The following UAP1L1 variants were observed in gnomAD, a reference collection of about 807,000 sequenced individuals.
UAP1L1 encodes the protein UDP-N-acetylhexosamine pyrophosphorylase-like protein 1.
Under a neutral mutation model 45.3 loss-of-function variants are expected in UAP1L1, and 45 were observed. That is an observed-to-expected ratio of 0.99 (90% CI 0.78 to 1.27). The LOEUF is 1.27. Ranked by LOEUF, UAP1L1 falls within the 50% of genes most tolerant of loss-of-function variation. UAP1L1 has a pLI of 0.00. For missense variants in UAP1L1, 667 were observed against 694.0 expected (o/e 0.96, Z 0.44); for synonymous variants, 323 against 303.9 (o/e 1.06, Z -0.65).
intron 6 of UAP1L1, chr9:137,080,484 T>C: frequency 1.6e-6 from 1 of 623,980 alleles, no homozygotes; most frequent in Non-Finnish European, 2.7e-6. Flanking sequence ...GGTTGGGCCT[T>C]CGGCTGCTGG....
At position 137,079,402 on chromosome 9, in the gene UAP1L1, C is replaced by T. The variant is rs759595402; in HGVS notation, c.990C>T (p.Asn330=). ...SDGSLLYNAG[N]ICNHFFTRGF... is the part of the protein sequence containing the mutation. Reference sequence around the variant, plus strand: ...GGAGCCTGCTGTACAATGCAGGCAACATCTGCAACCACTTCTTCACCCGAG... The same window carrying T: ...GGAGCCTGCTGTACAATGCAGGCAATATCTGCAACCACTTCTTCACCCGAG... Residue 330 remains asparagine, a synonymous_variant, in exon 5 of 9, where the codon AAC becomes AAT. Transcript: ENST00000409858. 3.1e-6 allele frequency: 5 copies of T among 1,604,842 alleles called. No homozygotes were observed. The highest frequency in any genetic ancestry group is 2.6e-6 in the Non-Finnish European group (3 of 1,173,920).
chr9:137,078,505 C>T lies in UAP1L1; in HGVS notation c.498C>T (p.Tyr166=), dbSNP rs1832730563. Residue 166 remains tyrosine (Y), a synonymous_variant, in exon 3 of 9, where the codon TAC becomes TAT. Coordinates refer to ENST00000409858, the MANE Select transcript of UAP1L1 (RefSeq NM_207309.3). ...RHGTRCTVPW[Y]VMTSEFTLGP... is the part of the protein sequence containing the mutation. ...GCTCACCGCGCCTCCCTTGCAGGTA[C>T]GTCATGACCAGCGAGTTCACTCTGG... The T allele has an allele frequency of 6.2e-7, 1 of 1,612,918 alleles. No individual in the cohort carries two copies. The highest frequency in any genetic ancestry group is 1.7e-5 in the Admixed American group (1 of 60,018).
At chr9:137,081,927 G>A in intron 7 of UAP1L1, 71 bp from the exon 8 acceptor site, 2 of 1,444,034 alleles carry the variant, frequency 1.4e-6, no homozygotes, top group East Asian at 2.3e-5. Flanking sequence ...TCTCCTATCG[G>A]GACTGGGGGT....
chr9:137,079,918 G>C, intron 5 of UAP1L1, 84 bp from the exon 6 acceptor site: 4 of 1,537,516 alleles, frequency 2.6e-6, no homozygotes, highest in Non-Finnish European at 3.5e-6. Context: ...ACCCAGCTGG[G>C]TGTGCTCAGA....
chr9:137,081,580 T>G (rs1832788703), intron 7 of UAP1L1, among the ~76,000 whole-genome samples: 1 of 152,116 alleles, frequency 6.6e-6, no homozygotes, highest in African/African-American at 2.4e-5. Context: ...GTCAGTCAGG[T>G]CAGGGCTTTT....
rs370805014 is a variant in UAP1L1, at chr9:137,079,365, G to A, written c.953G>A (p.Arg318His). The A allele has an allele frequency of 1.1e-5, 18 of 1,612,868 alleles. No individual in the cohort carries two copies. The Admixed American group carries it at 1.8e-4, about 16-fold the overall frequency. ...ATCAGTCCTGAGACCGCACAGCTAC[G>A]TGCCTCCGACGGGAGCCTGCTGTAC... ...SEISPETAQL[R>H]ASDGSLLYNA... Residue 318 changes from arginine to histidine, a missense_variant, in exon 5 of 9, where the codon CGT (arginine) becomes CAT (histidine). By Grantham distance (29) the Arg-to-His change is conservative. Transcript: ENST00000409858.
At chr9:137,080,341 G>T in intron 6 of UAP1L1, 199 bp downstream of exon 6, 1 of 658,426 alleles carries the variant, frequency 1.5e-6, no homozygotes. Context: ...AGTCCTTGGG[G>T]CTGTGGACTT....
In UAP1L1 at chr9:137,079,051, TTG is replaced by T. The variant is rs1234484668; in HGVS notation, c.749_750del (p.Val250AlafsTer63). ...GACATGGAGCGCCGGGGAGTGGAGT[TTG>T]TGCACGTGTACTGTGTGGACAACAT... On this transcript the variant is annotated frameshift_variant, in exon 4 of 9. Transcript: ENST00000409858. LOFTEE classifies it high-confidence loss of function. The T allele has an allele frequency of 2.5e-6, 4 of 1,608,232 alleles. No individual in the cohort carries two copies. The highest frequency in any genetic ancestry group is 2.5e-6 in the Non-Finnish European group (3 of 1,178,590).
chr9:137,077,585 A>G lies in UAP1L1; in HGVS notation c.53A>G (p.His18Arg). 1 of 1,392,020 alleles carries G rather than the reference A, an allele frequency of 7.2e-7. No individual in the cohort carries two copies. The highest frequency in any genetic ancestry group is 9.4e-7 in the Non-Finnish European group (1 of 1,065,764). The allele number at this position is 1,392,020 out of a possible 1,614,324, so 86.2% of individuals were successfully genotyped here. The change falls in exon 1 of 9, where the codon CAC becomes CGC. Residue 18 changes from histidine to arginine, a missense_variant. His to Arg is a conservative substitution (Grantham distance 29). Coordinates refer to ENST00000409858, the MANE Select transcript of UAP1L1 (RefSeq NM_207309.3). The surrounding 1 kb of genome is among the most constrained non-coding windows in gnomAD (Gnocchi z 4.7). ...CGGCTGCAGCGCGCTGGCCAGGAGC[A>G]CCTCCTGCGCTTCTGGGCCGAGCTG... ...RARLQRAGQEHLLRFWAELAP... is the reference protein window; with the variant it reads ...RARLQRAGQERLLRFWAELAP...
At chr9:137,078,750 C>T in intron 3 of UAP1L1, 73 bp downstream of exon 3, 2 of 1,509,988 alleles carry the variant, frequency 1.3e-6, no homozygotes, top group South Asian at 1.3e-5. Flanking sequence ...GTCCACGCGC[C>T]CGGGTTCGCG....
Position 137,077,918 on chromosome 9 carries a change from C to T in UAP1L1, c.289+97C>T. The T allele has an allele frequency of 6.7e-7, 1 of 1,499,668 alleles. No homozygotes were observed. Among genetic ancestry groups the T allele is most frequent in the Admixed American group, 2.1e-5 (1 of 47,444 alleles). 92.9% of individuals were successfully genotyped at this position (1,499,668 alleles called of 1,614,324 possible). On this transcript the variant is annotated intron_variant, in intron 1 of 8. Coordinates refer to ENST00000409858, the MANE Select transcript of UAP1L1 (RefSeq NM_207309.3). The surrounding 1 kb of genome is among the most constrained non-coding windows in gnomAD (Gnocchi z 4.7). ...GCTCGGGGAACTGTAGTTCTCCTCG[C>T]TACTTTGAGACGTGTCTCGCCTCAC...
rs898944389 is a variant in UAP1L1 at position 137,083,470 on chromosome 9, C to G, written c.*741C>G. 1 of 152,400 alleles carries G rather than the reference C, an allele frequency of 6.6e-6. No homozygotes were observed. The highest frequency in any genetic ancestry group is 2.4e-5 in the African/African-American group (1 of 41,462). The allele number at this position is 152,400 out of a possible 1,614,324, so 9.4% of individuals were successfully genotyped here. On this transcript the variant is annotated 3_prime_UTR_variant, in exon 9 of 9. Transcript: ENST00000409858. ...AAGGCCTCTGCCTCTCAGCCTCTTC[C>G]ATGGTCGGTTTAGGCTGCTGAGTTT...
At position 137,077,656 on chromosome 9, in the gene UAP1L1, G is replaced by C; in HGVS notation, c.124G>C (p.Glu42Gln). The C allele has an allele frequency of 7.9e-7, 1 of 1,271,846 alleles. No homozygotes were observed. Among genetic ancestry groups the C allele is most frequent in the South Asian group, 1.8e-5 (1 of 54,926 alleles). The allele number at this position is 1,271,846 out of a possible 1,614,324, so 78.8% of individuals were successfully genotyped here. A position where few individuals can be genotyped will look rare whatever the true frequency, so the allele number is the denominator to read the frequency against. Reference sequence around the variant, plus strand: ...GCTGCTGGCGGAGCTGGCGCTGCTGGAGCCCGAGGCGCTGCGCGAGCACTG... The same window carrying C: ...GCTGCTGGCGGAGCTGGCGCTGCTGCAGCCCGAGGCGCTGCGCGAGCACTG... The part of the protein sequence containing the change: ...AALLAELALL[E>Q]PEALREHCRR... The change falls in exon 1 of 9, where the codon GAG becomes CAG. Residue 42 changes from glutamate to glutamine, a missense_variant. Glu to Gln is a conservative substitution (Grantham distance 29, BLOSUM62 2). Coordinates refer to ENST00000409858, the MANE Select transcript of UAP1L1 (RefSeq NM_207309.3). The surrounding 1 kb of genome is among the most constrained non-coding windows in gnomAD (Gnocchi z 4.7).
rs763743974 is a variant in UAP1L1 at position 137,083,136 on chromosome 9, C to A, written c.*407C>A. The A allele has an allele frequency of 5.3e-6, 1 of 188,782 alleles. No homozygotes were observed. Among genetic ancestry groups the A allele is most frequent in the African/African-American group, 2.3e-5 (1 of 43,556 alleles). The allele number at this position is 188,782 out of a possible 1,614,324, so 11.7% of individuals were successfully genotyped here. ...AGGAGGGCATGTCCCTTTGGGAGCC[C>A]GCCTTGTGGATCCACCACACCCCAC... On this transcript the variant is annotated 3_prime_UTR_variant, in exon 9 of 9. Coordinates refer to ENST00000409858, the MANE Select transcript of UAP1L1 (RefSeq NM_207309.3).
intron 3 of UAP1L1, 101 bp downstream of exon 3, chr9:137,078,778 T>C: frequency 7.1e-7 from 1 of 1,407,410 alleles, no homozygotes; most frequent in Non-Finnish European, 9.5e-7. Context: ...CGAGGCTGTG[T>C]GGTCCTGGGT....
rs1312588153 is a variant in UAP1L1 at position 137,083,373 on chromosome 9, G to A, written c.*644G>A. 1 of 152,466 alleles carries A rather than the reference G, an allele frequency of 6.6e-6. No individual in the cohort carries two copies. The highest frequency in any genetic ancestry group is 2.4e-5 in the African/African-American group (1 of 41,464). The allele number at this position is 152,466 out of a possible 1,614,324, so 9.4% of individuals were successfully genotyped here. A position where few individuals can be genotyped will look rare whatever the true frequency, so the allele number is the denominator to read the frequency against. ...AAAGAGCCTGATGTCCATGATCCAG[G>A]TGGCTCTGAGAAGCTTGGCCTGGAC... is the stretch of plus-strand genomic sequence containing the variant. On this transcript the variant is annotated 3_prime_UTR_variant, in exon 9 of 9. Coordinates refer to ENST00000409858, the MANE Select transcript of UAP1L1 (RefSeq NM_207309.3).
In UAP1L1 at chr9:137,079,512, CG is replaced by C. The variant is rs529967393; in HGVS notation, c.1037+67del. On this transcript the variant is annotated intron_variant, in intron 5 of 8. Transcript: ENST00000409858. ...GCCGCCTGCGTTGACCAGGGACCCG[CG>C]GGGTCCCAGTGAGCTGAGTGCCCTG... 1.0e-5 allele frequency: 15 copies of C among 1,494,144 alleles called. No homozygotes were observed. The South Asian group carries it at 1.5e-4, about 15-fold the overall frequency. The allele number at this position is 1,494,144 out of a possible 1,614,324, so 92.6% of individuals were successfully genotyped here. A position where few individuals can be genotyped will look rare whatever the true frequency, so the allele number is the denominator to read the frequency against.
intron 4 of UAP1L1, 51 bp downstream of exon 4, chr9:137,079,199 C>CGCGG (rs1564266816): frequency 1.7e-5 from 27 of 1,588,782 alleles, no homozygotes; most frequent in Non-Finnish European, 2.2e-5. Flanking sequence ...CCCCGCCCCT[C>CGCGG]ACGGAGCCCC....
chr9:137,081,939 C>G, intron 7 of UAP1L1, 59 bp from the exon 8 acceptor site: 2 of 1,557,300 alleles, frequency 1.3e-6, no homozygotes, highest in South Asian at 1.1e-5. Flanking sequence ...ACTGGGGGTG[C>G]TGGGGGAGGG....
Sources: allele counts gnomAD v4.1 joint callset (sites outside exome capture counted in the v4.1 genomes callset), GRCh38; gene constraint gnomAD v4.1.1; non-coding constraint Gnocchi (gnomAD v3.1); transcripts MANE v1.5; gene names NCBI Gene and HGNC (gene_info 2026-07-23, HGNC 2026-07-21).